Variants in BCO1 observed in about 807,000 individuals in gnomAD.
BCO1 encodes the protein beta,beta-carotene 15,15'-dioxygenase.
Under a neutral mutation model 56.3 loss-of-function variants are expected in BCO1, and 54 were observed. That is an observed-to-expected ratio of 0.96 (90% CI 0.77 to 1.20). The LOEUF is 1.20. BCO1 is among the 50% of genes most tolerant of loss of function. The pLI is 0.00. For synonymous variants in BCO1, 318 were observed against 266.1 expected, an observed-to-expected ratio of 1.20 and a Z score of -1.90; for missense variants, 801 against 690.9, an observed-to-expected ratio of 1.16 and a Z score of -1.79.
intron 7 of BCO1, among the ~76,000 whole-genome samples, chr16:81,278,545 T>C (rs1490837392): frequency 6.6e-6 from 1 of 152,178 alleles, no homozygotes; most frequent in Admixed American, 6.5e-5. Flanking sequence ...CAAAATCTGG[T>C]CCCTGGCTTC....
At chr16:81,244,634 C>T (rs528610388) in intron 1 of BCO1, among the ~76,000 whole-genome samples, 6 of 152,036 alleles carry the variant, frequency 3.9e-5, no homozygotes, top group African/African-American at 9.7e-5. Flanking sequence ...AGGAAGCTGA[C>T]CACACCCTCC....
At position 81,280,820 on chromosome 16, in the gene BCO1, G is replaced by A. The variant is rs145797221; in HGVS notation, c.1102-37G>A. 7.4e-5 allele frequency: 108 copies of A among 1,466,036 alleles called. No individual in the cohort carries two copies. The African/African-American group carries it at 9.4e-4, about 13-fold the overall frequency. The allele number at this position is 1,466,036 out of a possible 1,614,324, so 90.8% of individuals were successfully genotyped here. ...AGCAAATGTTTGCTCTGGATTACAC[G>A]TTTTTATTTTACTTTTTGAAAACTG... On this transcript the variant is annotated intron_variant, in intron 7 of 10. Transcript: ENST00000258168.
chr16:81,258,211 G>A (rs756503350), intron 2 of BCO1, among the ~76,000 whole-genome samples: 1 of 152,152 alleles, frequency 6.6e-6, no homozygotes, highest in African/African-American at 2.4e-5. Context: ...GATAATGACT[G>A]TATGTTGTGT....
intron 2 of BCO1, among the ~76,000 whole-genome samples, chr16:81,250,037 C>A (rs1034902369): frequency 6.6e-6 from 1 of 152,130 alleles, no homozygotes; most frequent in Non-Finnish European, 1.5e-5. Flanking sequence ...TCAAACTCTT[C>A]AATATTTACT....
chr16:81,242,269 C>T (rs993011584), intron 1 of BCO1, among the ~76,000 whole-genome samples: 7 of 140,938 alleles, frequency 5.0e-5, no homozygotes, highest in Non-Finnish European at 1.0e-4. Context: ...GCGCAATCTT[C>T]GGCTCACTGC....
intron 7 of BCO1, among the ~76,000 whole-genome samples, chr16:81,274,742 G>T (rs1907450914): frequency 6.6e-6 from 1 of 152,110 alleles, no homozygotes; most frequent in African/African-American, 2.4e-5. Flanking sequence ...GCTTGGCGTG[G>T]TGGCCCCTGC....
chr16:81,261,345 A>G (rs1906469852), intron 3 of BCO1, among the ~76,000 whole-genome samples: 1 of 152,254 alleles, frequency 6.6e-6, no homozygotes, highest in East Asian at 1.9e-4. Context: ...CCTTCTGATC[A>G]AATGAGCTAT....
intron 1 of BCO1, among the ~76,000 whole-genome samples, chr16:81,240,695 C>T (rs1382629495): frequency 6.6e-6 from 1 of 151,712 alleles, no homozygotes; most frequent in Non-Finnish European, 1.5e-5. Flanking sequence ...AGAGTGAGAC[C>T]CTGTCTCAAA....
rs1230406249 is a variant in BCO1 at position 81,259,682 on chromosome 16, T to C, written c.200T>C (p.Val67Ala). The part of the protein sequence containing the change: ...LHSFTIRDGE[V>A]YYRSKYLRSD... ...GCTGGTTCTTCTCTTGCAGGTGAAGTCTATTACAGGAGCAAATACCTGAGA... is the reference window on the plus strand; with the variant it reads ...GCTGGTTCTTCTCTTGCAGGTGAAGCCTATTACAGGAGCAAATACCTGAGA... The change falls in exon 3 of 11, where the codon GTC (valine) becomes GCC (alanine). Residue 67 changes from valine (V) to alanine (A), a missense_variant. Coordinates refer to ENST00000258168, the MANE Select transcript of BCO1 (RefSeq NM_017429.3). The C allele has an allele frequency of 1.2e-6, 2 of 1,614,018 alleles. No individual in the cohort carries two copies. Among genetic ancestry groups the C allele is most frequent in the East Asian group, 2.2e-5 (1 of 44,898 alleles).
Position 81,245,748 on chromosome 16 carries a change from A to C in BCO1, c.193+145A>C. The C allele has an allele frequency of 3.0e-6, 3 of 1,010,208 alleles. No homozygotes were observed. In the South Asian group the frequency reaches 4.2e-5, roughly 14 times the overall value. The allele number at this position is 1,010,208 out of a possible 1,614,324, so 62.6% of individuals were successfully genotyped here. A position where few individuals can be genotyped will look rare whatever the true frequency, so the allele number is the denominator to read the frequency against. On this transcript the variant is annotated intron_variant, in intron 2 of 10. Transcript: ENST00000258168. ...ACTGAACTGAAATCAAGGTGTTCAT[A>C]GGGCCACATTCAGTTCTGGAGGCTC...
intron 1 of BCO1, among the ~76,000 whole-genome samples, chr16:81,241,403 G>A (rs1265108481): frequency 1.3e-5 from 2 of 152,172 alleles, no homozygotes; most frequent in African/African-American, 4.8e-5. Context: ...ATGACTGCAT[G>A]AAATCCTTGG....
At chr16:81,266,833 G>T (rs557329557) in intron 5 of BCO1, among the ~76,000 whole-genome samples, 2 of 152,162 alleles carry the variant, frequency 1.3e-5, no homozygotes, top group Non-Finnish European at 2.9e-5. Flanking sequence ...CCAGGCCACA[G>T]TGCTTTTCGT....
In BCO1 at chr16:81,264,747, G is replaced by A. The variant is rs112981006; in HGVS notation, c.579G>A (p.Lys193=). The A allele has an allele frequency of 8.8e-4, 1,425 of 1,614,206 alleles. 12 individuals are homozygous for A. The African/African-American group carries it at 0.017, about 20-fold the overall frequency. The change falls in exon 5 of 11, where the codon AAG becomes AAA. Residue 193 remains lysine, a synonymous_variant. Coordinates refer to ENST00000258168, the MANE Select transcript of BCO1 (RefSeq NM_017429.3). ...GCACATCCATTGTGGAAAAGGGGAA[G>A]ACAAAGTATGTGATTTTTAAGATCC... The part of the protein sequence containing the change: ...NMGTSIVEKG[K]TKYVIFKIPA...
intron 5 of BCO1, among the ~76,000 whole-genome samples, chr16:81,267,108 T>C (rs1384267547): frequency 6.6e-6 from 1 of 152,272 alleles, no homozygotes; most frequent in Non-Finnish European, 1.5e-5. Context: ...GCGAGGCACA[T>C]GGATGACTGC....
intron 1 of BCO1, among the ~76,000 whole-genome samples, chr16:81,240,602 G>A (rs986704305): frequency 6.6e-6 from 1 of 151,872 alleles, no homozygotes; most frequent in South Asian, 2.1e-4. Context: ...CTACTCAGGA[G>A]GATGAGGTAG....
At chr16:81,246,980 G>A (rs547552446) in intron 2 of BCO1, among the ~76,000 whole-genome samples, 5 of 152,196 alleles carry the variant, frequency 3.3e-5, no homozygotes, top group East Asian at 1.9e-4. Flanking sequence ...AAAGGGAAAT[G>A]GATAAATATA....
intron 1 of BCO1, among the ~76,000 whole-genome samples, chr16:81,240,264 T>C (rs59096149): frequency 0.33 from 50,849 of 151,986 alleles, 8,646 homozygotes; most frequent in East Asian, 0.37. Flanking sequence ...TATTTGGGTC[T>C]ATTTCCTTTA....
chr16:81,284,650 T>A (rs1406991194), intron 8 of BCO1, among the ~76,000 whole-genome samples: 1 of 152,038 alleles, frequency 6.6e-6, no homozygotes, highest in Non-Finnish European at 1.5e-5. Context: ...TCTGTTTTAT[T>A]TTTTAGTTTT....
intron 10 of BCO1, 92 bp from the exon 11 acceptor site, chr16:81,290,256 G>A (rs1261529342): frequency 1.8e-6 from 2 of 1,088,166 alleles, no homozygotes; most frequent in East Asian, 2.4e-5. Context: ...AGATACATAT[G>A]TTTAAAGAGG....
Sources: gnomAD v4.1 joint callset for allele counts (sites outside exome capture counted in the v4.1 genomes callset) on GRCh38, gnomAD v4.1.1 for gene constraint, MANE v1.5 for transcripts, NCBI Gene and HGNC (gene_info 2026-07-23, HGNC 2026-07-21) for gene names.